Variants in CACNA1F observed in about 807,000 individuals in gnomAD.
CACNA1F encodes the protein voltage-dependent L-type calcium channel subunit alpha-1F.
CACNA1F carries 59 observed loss-of-function variants against 143.8 expected under a neutral mutation model. The ratio of observed to expected loss-of-function variants is 0.41; its 90% CI spans 0.33 to 0.51. The LOEUF (loss-of-function observed/expected upper bound fraction) is 0.51, where lower values mean the gene tolerates loss of function less well. Ranked by LOEUF, CACNA1F falls within the 20% of genes least tolerant of loss-of-function variation. CACNA1F has a pLI of 0.22. For missense variants in CACNA1F, 1,411 were observed against 1,647.5 expected, an observed-to-expected ratio of 0.86 and a Z score of 2.48; for synonymous variants, 643 against 649.1, an observed-to-expected ratio of 0.99 and a Z score of 0.14.
chrX:49,212,602 A>T (rs981094769), intron 33 of CACNA1F, 65 bp downstream of exon 33: 1 of 1,104,616 alleles, frequency 9.1e-7, no homozygotes, highest in African/African-American at 1.8e-5. Context: ...AGGGTGGTAA[A>T]GGGGCAGGCT....
rs1557110986 is a variant in CACNA1F, at chrX:49,230,246, T to C, written c.791A>G (p.His264Arg). The C allele has an allele frequency of 8.3e-7, 1 of 1,206,264 alleles. No individual in the cohort carries two copies. Among genetic ancestry groups the C allele is most frequent in the Admixed American group, 2.2e-5 (1 of 45,588 alleles). Reference protein sequence around the residue: ...IGLELFLGRMHKTCYFLGSDM... With the variant: ...IGLELFLGRMRKTCYFLGSDM... Reference sequence around the variant, plus strand: ...GGATCCCAGGAAGTAGCACGTCTTGTGCATTCGTCCAAGGAACAGCTCGAG... The same window carrying C: ...GGATCCCAGGAAGTAGCACGTCTTGCGCATTCGTCCAAGGAACAGCTCGAG... Residue 264 changes from histidine (H) to arginine (R), a missense_variant, in exon 6 of 48, where the codon CAC (histidine) becomes CGC (arginine). By Grantham distance (29) the His-to-Arg change is conservative. Around this residue, in one of 3 missense-constraint regions of CACNA1F, gnomAD observed 950 missense variants for 1,128.1 expected, o/e 0.84. Coordinates refer to ENST00000323022, the MANE Select transcript of CACNA1F (RefSeq NM_001256789.3).
Position 49,231,103 on chromosome X carries a change from G to A in CACNA1F, c.381+99C>T, listed in dbSNP as rs782437753. 6.8e-3 allele frequency: 5,433 copies of A among 800,830 alleles called. 32 individuals are homozygous for A. The highest frequency in any genetic ancestry group is 6.9e-3 in the Non-Finnish European group (3,714 of 541,103). 66.0% of individuals were successfully genotyped at this position (800,830 alleles called of 1,213,427 possible). A position where few individuals can be genotyped will look rare whatever the true frequency, so the allele number is the denominator to read the frequency against. On this transcript the variant is annotated intron_variant, in intron 3 of 47. Transcript: ENST00000323022. The stretch of plus-strand genomic sequence containing the variant: ...CGAGGGTGGGGCTGAGCCAGGCAGG[G>A]CCATCCGGGTCAGAGAGGGGGCGGG...
At position 49,230,861 on chromosome X, in the gene CACNA1F, G is replaced by A; in HGVS notation, c.510C>T (p.Ile170=). The change falls in exon 4 of 48, where the codon ATC becomes ATT. Residue 170 remains isoleucine (I), a synonymous_variant. Coordinates refer to ENST00000323022, the MANE Select transcript of CACNA1F (RefSeq NM_001256789.3). The part of the protein sequence containing the change: ...RNGWNLLDFI[I]VVVGLFSVLL... ...CCGCAGACGCGCACCCGACCACGAC[G>A]ATGATGAAGTCGAGTAGGTTCCAGC... 8.5e-7 allele frequency: 1 copy of A among 1,181,081 alleles called. No individual in the cohort carries two copies. Among genetic ancestry groups the A allele is most frequent in the Non-Finnish European group, 1.1e-6 (1 of 879,638 alleles).
In CACNA1F at chrX:49,231,301, G is replaced by A. The variant is rs1183635634; in HGVS notation, c.282C>T (p.Phe94=). The A allele has an allele frequency of 2.6e-6, 3 of 1,148,509 alleles. No individual in the cohort carries two copies. Among genetic ancestry groups the A allele is most frequent in the African/African-American group, 1.8e-5 (1 of 55,063 alleles). 94.7% of individuals were successfully genotyped at this position (1,148,509 alleles called of 1,213,427 possible). A position where few individuals can be genotyped will look rare whatever the true frequency, so the allele number is the denominator to read the frequency against. Residue 94 remains phenylalanine, a synonymous_variant, in exon 3 of 48, where the codon TTC becomes TTT. Transcript: ENST00000323022. ...SCISIVEWKP[F]DILILLTIFA... Reference sequence around the variant, plus strand: ...AGATGGTCAGCAGGATGAGGATGTCGAAGGGCCTCAGGTGGACACAGTCAA... The same window carrying A: ...AGATGGTCAGCAGGATGAGGATGTCAAAGGGCCTCAGGTGGACACAGTCAA...
rs1331907159 is a variant in CACNA1F at position 49,206,758 on chromosome X, G to C, written c.5329C>G (p.Arg1777Gly). 3.3e-6 allele frequency: 4 copies of C among 1,206,974 alleles called. No homozygotes were observed. Among genetic ancestry groups the C allele is most frequent in the Non-Finnish European group, 3.4e-6 (3 of 892,370 alleles). ...QRYMDGHLVPRRRLLPPTPAG... is the reference protein window; with the variant it reads ...QRYMDGHLVPGRRLLPPTPAG... ...GGTGTGGGGGGCAGCAGACGGCGGC[G>C]TGGTACCAGGTGCCCATCCATGTAT... Residue 1777 changes from arginine to glycine, a missense_variant, in exon 45 of 48, where the codon CGC becomes GGC. By Grantham distance (125) the Arg-to-Gly change is moderately radical. Transcript: ENST00000323022.
At chrX:49,223,618 A>AAAAAAAAAAG (rs1399389646) in intron 14 of CACNA1F, among the ~76,000 whole-genome samples, 3 of 100,586 alleles carry the variant, frequency 3.0e-5, no homozygotes, top group African/African-American at 1.2e-4. Flanking sequence ...AAAAAAAAAA[A>AAAAAAAAAAG]AAGAAGAAGA....
chrX:49,223,690 G>A (rs1375831231), intron 14 of CACNA1F, among the ~76,000 whole-genome samples: 2 of 103,701 alleles, frequency 1.9e-5, no homozygotes, highest in African/African-American at 6.9e-5. Flanking sequence ...GGTATAATGG[G>A]AGACTGGGAG....
Position 49,212,275 on chromosome X carries a change from T to G in CACNA1F, c.3976A>C (p.Ile1326Leu). 1 of 1,209,174 alleles carries G rather than the reference T, an allele frequency of 8.3e-7. No individual in the cohort carries two copies. Among genetic ancestry groups the G allele is most frequent in the Non-Finnish European group, 1.1e-6 (1 of 893,528 alleles). Reference sequence around the variant, plus strand: ...CCAATGACGGCATAGATGAAGAATATCATTGCGATGAGAAGAGCCACATAG... The same window carrying G: ...CCAATGACGGCATAGATGAAGAATAGCATTGCGATGAGAAGAGCCACATAG... ...LPYVALLIAM[I>L]FFIYAVIGMQ... The change falls in exon 34 of 48, where the codon ATA (isoleucine) becomes CTA (leucine). Residue 1326 changes from isoleucine (I) to leucine (L), a missense_variant. Around this residue, in one of 3 missense-constraint regions of CACNA1F, gnomAD observed 950 missense variants for 1,128.1 expected, o/e 0.84. Coordinates refer to ENST00000323022, the MANE Select transcript of CACNA1F (RefSeq NM_001256789.3).
intron 43 of CACNA1F, 31 bp from the exon 44 acceptor site, chrX:49,207,143 A>G: frequency 3.3e-6 from 3 of 895,822 alleles, no homozygotes; most frequent in Non-Finnish European, 4.8e-6. Flanking sequence ...TAGGCAGACC[A>G]GATCCCTCAA....
Position 49,222,720 on chromosome X carries a change from T to C in CACNA1F, c.2204A>G (p.Asn735Ser). ...IYFIILFICGNYILLNVFLAI... is the reference protein window; with the variant it reads ...IYFIILFICGSYILLNVFLAI... ...GCCCCACAAAGCTCCAAGGATACAG[T>C]TGCCACAGATGAAGAGAATGATGAA... is the stretch of plus-strand genomic sequence containing the variant. Residue 735 changes from asparagine to serine, a missense_variant and splice_region_variant, in exon 16 of 48, where the codon AAC (asparagine) becomes AGC (serine). Coordinates refer to ENST00000323022, the MANE Select transcript of CACNA1F (RefSeq NM_001256789.3). 2 of 1,211,366 alleles carry C rather than the reference T, an allele frequency of 1.7e-6. No homozygotes were observed. Among genetic ancestry groups the C allele is most frequent in the South Asian group, 3.5e-5 (2 of 56,917 alleles).
intron 20 of CACNA1F, 45 bp downstream of exon 20, chrX:49,219,589 G>C (rs782532291): frequency 8.5e-7 from 1 of 1,178,947 alleles, no homozygotes; most frequent in Non-Finnish European, 1.1e-6. Flanking sequence ...TCCTCCACCT[G>C]CCCTAGCCCC....
chrX:49,231,872 C>A lies in CACNA1F; in HGVS notation c.81G>T (p.Gly27=), dbSNP rs782717924. ...CCACAGCTGGGGGCCCGGGGCACAGCCCCCATTCGGGACCAGGGCCTGCCC... is the reference window on the plus strand; with the variant it reads ...CCACAGCTGGGGGCCCGGGGCACAGACCCCATTCGGGACCAGGGCCTGCCC... ...ANGAGPGPEW[G]LCPGPPAVEG... Residue 27 remains glycine (G), a synonymous_variant, in exon 2 of 48, where the codon GGG becomes GGT. Coordinates refer to ENST00000323022, the MANE Select transcript of CACNA1F (RefSeq NM_001256789.3). The A allele has an allele frequency of 4.2e-6, 5 of 1,181,004 alleles. No individual in the cohort carries two copies. The East Asian group carries it at 1.6e-4, about 37-fold the overall frequency.
At chrX:49,220,410 G>T in intron 19 of CACNA1F, 63 bp downstream of exon 19, 1 of 862,388 alleles carries the variant, frequency 1.2e-6, no homozygotes, top group Non-Finnish European at 1.7e-6. Flanking sequence ...GGGGTCAGGA[G>T]CTGTCTGCCT....
In CACNA1F at chrX:49,212,708, C is replaced by G. The variant is rs782677479; in HGVS notation, c.3901G>C (p.Gly1301Arg). The change falls in exon 33 of 48, where the codon GGG becomes CGG. Residue 1301 changes from glycine to arginine, a missense_variant. Physicochemically the swap from Gly to Arg is moderately radical, Grantham distance 125. This residue lies in a region of CACNA1F where 950 missense variants were observed against 1,128.1 expected (regional missense o/e 0.84). Coordinates refer to ENST00000323022, the MANE Select transcript of CACNA1F (RefSeq NM_001256789.3). ...RLVKLLSKGEGIRTLLWTFIK... is the reference protein window; with the variant it reads ...RLVKLLSKGERIRTLLWTFIK... ...AATGTCCAGAGCAATGTGCGGATCC[C>G]TTCACCCTTACTGAGAAGCTTGACC... is the stretch of plus-strand genomic sequence containing the variant. 8 of 1,207,282 alleles carry G rather than the reference C, an allele frequency of 6.6e-6. No homozygotes were observed. The South Asian group carries it at 1.2e-4, about 19-fold the overall frequency.
At position 49,226,924 on chromosome X, in the gene CACNA1F, T is replaced by A. The variant is rs781819043; in HGVS notation, c.1276+46A>T. On this transcript the variant is annotated intron_variant, in intron 9 of 47. Transcript: ENST00000323022. ...AAGGCATGCAGGGAATGGGCCAGATTGGAGTTGCCTACGATGGCCCGCCCG... is the reference window on the plus strand; with the variant it reads ...AAGGCATGCAGGGAATGGGCCAGATAGGAGTTGCCTACGATGGCCCGCCCG... 6 of 1,207,581 alleles carry A rather than the reference T, an allele frequency of 5.0e-6. No homozygotes were observed. Among genetic ancestry groups the A allele is most frequent in the Non-Finnish European group, 6.7e-6 (6 of 893,117 alleles).
Position 49,231,830 on chromosome X carries a change from C to T in CACNA1F, c.123G>A (p.Gly41=), listed in dbSNP as rs35142387. The T allele has an allele frequency of 1.4e-3, 1,688 of 1,199,511 alleles. 15 individuals carry two copies. In the African/African-American group the frequency reaches 0.025, roughly 18 times the overall value. ...GPPAVEGESS[G]ASGLGTPKRR... ...GCTTAGGGGTCCCTAGGCCTGATGC[C>T]CCACTGCTTTCACCTTCCACAGCTG... Residue 41 remains glycine (G), a synonymous_variant, in exon 2 of 48, where the codon GGG becomes GGA. Transcript: ENST00000323022.
Position 49,206,392 on chromosome X carries a change from C to CAAAA in CACNA1F, c.5472+115_5472+118dup, listed in dbSNP as rs1168190548. On this transcript the variant is annotated intron_variant, in intron 46 of 47. Coordinates refer to ENST00000323022, the MANE Select transcript of CACNA1F (RefSeq NM_001256789.3). ...TGGGCAGCAGAGCAAAACTCTGTCT[C>CAAAA]AAAAAAAAAAAAAAAAAAAAAAAAA... The CAAAA allele has an allele frequency of 4.6e-3, 752 of 165,024 alleles. 1 individual carries two copies. Among genetic ancestry groups the CAAAA allele is most frequent in the African/African-American group, 9.4e-3 (76 of 8,060 alleles). 13.6% of individuals were successfully genotyped at this position (165,024 alleles called of 1,213,427 possible). A position where few individuals can be genotyped will look rare whatever the true frequency, so the allele number is the denominator to read the frequency against.
chrX:49,210,009 A>G lies in CACNA1F; in HGVS notation c.4622T>C (p.Ile1541Thr), dbSNP rs782156376. ...NLEQANQELR[I>T]VIKKIWKRMK... ...CCGCTTCCAGATCTTTTTGATGACA[A>G]TCCGCAGCTCCTGGTTGGCTTGCTC... Residue 1541 changes from isoleucine (I) to threonine (T), a missense_variant, in exon 40 of 48, where the codon ATT becomes ACT. Ile to Thr is a moderately conservative substitution (Grantham distance 89). Transcript: ENST00000323022. The G allele has an allele frequency of 8.3e-7, 1 of 1,209,621 alleles. No individual in the cohort carries two copies. Among genetic ancestry groups the G allele is most frequent in the Non-Finnish European group, 1.1e-6 (1 of 893,682 alleles).
chrX:49,223,595 CAAAAAAAA>C (rs58022930), intron 14 of CACNA1F, among the ~76,000 whole-genome samples: 3 of 23,679 alleles, frequency 1.3e-4, no homozygotes, highest in African/African-American at 2.3e-4. Context: ...GACTCTGTCT[CAAAAAAAA>C]AAAAAAAAAA....
Sources: allele counts gnomAD v4.1 joint callset (sites outside exome capture counted in the v4.1 genomes callset), GRCh38; gene constraint gnomAD v4.1.1; regional missense constraint gnomAD v4.1.1; transcripts MANE v1.5; gene names NCBI Gene and HGNC (gene_info 2026-07-23, HGNC 2026-07-21).